Variants in PRLR observed in about 807,000 individuals in gnomAD.
The protein encoded by PRLR is prolactin receptor, also known as hPRL receptor.
PRLR carries 13 observed loss-of-function variants against 40.2 expected under a neutral mutation model. The observed-to-expected ratio is 0.32, with a 90% CI of 0.21 to 0.51. The LOEUF (loss-of-function observed/expected upper bound fraction) is 0.51. Among genes scored for constraint, PRLR ranks in the 20% least tolerant of loss-of-function variants. PRLR has a pLI of 0.97. For synonymous variants in PRLR, 269 were observed against 278.7 expected (o/e 0.97, Z 0.35); for missense variants, 656 against 747.3 (o/e 0.88, Z 1.42).
At chr5:35,179,974 C>A (rs767208842) in intron 1 of PRLR, among the ~76,000 whole-genome samples, 1 of 152,094 alleles carries the variant, frequency 6.6e-6, no homozygotes, top group Non-Finnish European at 1.5e-5. Flanking sequence ...ATACAACTCA[C>A]CATAATGTAA....
intron 1 of PRLR, among the ~76,000 whole-genome samples, chr5:35,202,213 G>C (rs1775901145): frequency 6.6e-6 from 1 of 152,176 alleles, no homozygotes. Context: ...ATCAAATTCA[G>C]TGTGGTGTCC....
chr5:35,229,222 C>T (rs1776630895), intron 1 of PRLR, among the ~76,000 whole-genome samples: 1 of 151,592 alleles, frequency 6.6e-6, no homozygotes, highest in Admixed American at 6.6e-5. Context: ...GTTTGCACAG[C>T]TGATGGTCAG....
intron 5 of PRLR, among the ~76,000 whole-genome samples, chr5:35,080,487 A>C (rs1261953127): frequency 6.6e-6 from 1 of 152,230 alleles, no homozygotes; most frequent in African/African-American, 2.4e-5. Flanking sequence ...CAAAACCACA[A>C]TGAGATATCA....
chr5:35,069,936 C>T (rs1004504591), intron 7 of PRLR, among the ~76,000 whole-genome samples, 188 bp downstream of exon 7: 3 of 152,230 alleles, frequency 2.0e-5, no homozygotes, highest in Non-Finnish European at 4.4e-5. Flanking sequence ...AATTGTTCTC[C>T]ATTGACAGTA....
chr5:35,075,571 C>A (rs535120281), intron 5 of PRLR, among the ~76,000 whole-genome samples: 1 of 152,190 alleles, frequency 6.6e-6, no homozygotes, highest in Admixed American at 6.5e-5. Flanking sequence ...CACCCCAGCT[C>A]AAGGAGGCCG....
intron 6 of PRLR, among the ~76,000 whole-genome samples, chr5:35,070,588 A>T (rs1769683347): frequency 6.6e-6 from 1 of 152,048 alleles, no homozygotes; most frequent in Non-Finnish European, 1.5e-5. Flanking sequence ...TCATGCCTGT[A>T]ATCCCAGCAC....
intron 1 of PRLR, among the ~76,000 whole-genome samples, chr5:35,171,128 A>C (rs1434345103): frequency 1.3e-5 from 2 of 151,752 alleles, no homozygotes; most frequent in Admixed American, 1.3e-4. Context: ...ATGAACACTA[A>C]TTCTTTCACT....
At chr5:35,070,305 T>G in intron 6 of PRLR, 40 bp from the exon 7 acceptor site, 1 of 1,606,272 alleles carries the variant, frequency 6.2e-7, no homozygotes, top group South Asian at 1.1e-5. Context: ...ATTCTAACAT[T>G]TGTTGTGAAG....
chr5:35,055,953 C>A lies in PRLR; in HGVS notation c.*9136G>T, dbSNP rs546989872. 1.3e-5 allele frequency: 2 copies of A among 152,200 alleles called. No homozygotes were observed. The highest frequency in any genetic ancestry group is 4.8e-5 in the African/African-American group (2 of 41,446). The allele number at this position is 152,200 out of a possible 1,614,324, so 9.4% of individuals were successfully genotyped here. ...AGTGGCATTTACAAATTCCTTCAAA[C>A]TCATTTACAAATACAGTAATAAAAA... On this transcript the variant is annotated 3_prime_UTR_variant, in exon 10 of 10. Transcript: ENST00000618457.
intron 1 of PRLR, among the ~76,000 whole-genome samples, chr5:35,120,047 C>T (rs887205153): frequency 6.6e-6 from 1 of 152,164 alleles, no homozygotes; most frequent in Non-Finnish European, 1.5e-5. Flanking sequence ...GCTCCCACGT[C>T]TATTCTTTAC....
intron 1 of PRLR, among the ~76,000 whole-genome samples, chr5:35,173,232 T>A (rs1419201630): frequency 6.6e-6 from 1 of 152,220 alleles, no homozygotes; most frequent in Admixed American, 6.5e-5. Context: ...CCCACATACA[T>A]GTTGGCTGAT....
intron 2 of PRLR, among the ~76,000 whole-genome samples, chr5:35,090,682 G>T (rs2112477533): frequency 6.6e-6 from 1 of 150,628 alleles, no homozygotes; most frequent in African/African-American, 2.4e-5. Context: ...TGTGTTTGAT[G>T]AGCCCCTGAA....
chr5:35,139,010 A>C (rs1773936342), intron 1 of PRLR, among the ~76,000 whole-genome samples: 1 of 152,192 alleles, frequency 6.6e-6, no homozygotes, highest in Admixed American at 6.5e-5. Flanking sequence ...TAAGGAAAGA[A>C]AAAAATACAT....
chr5:35,049,653 A>G (rs951948466), intron 8 of PRLR, among the ~76,000 whole-genome samples: 1 of 152,210 alleles, frequency 6.6e-6, no homozygotes, highest in Admixed American at 6.5e-5. Flanking sequence ...CTATCTGTGT[A>G]TACACATGCT....
At chr5:35,081,283 C>T (rs1165639224) in intron 5 of PRLR, 7 of 163,844 alleles carry the variant, frequency 4.3e-5, no homozygotes, top group African/African-American at 1.7e-4. Flanking sequence ...CTCTGGGAAA[C>T]TGTGGTGCAA....
chr5:35,102,595 T>TGCAGTGGCCCAATCTTGGCTCACTGCG (rs1342988414), intron 2 of PRLR, among the ~76,000 whole-genome samples: 2 of 148,980 alleles, frequency 1.3e-5, no homozygotes, highest in African/African-American at 2.5e-5. Context: ...CAGGCTGGAG[T>TGCAGTGGCCCAATCTTGGCTCACTGCG]GCAGTGGCCC....
At chr5:35,118,463 A>G (rs947234601) in intron 1 of PRLR, among the ~76,000 whole-genome samples, 9 of 152,290 alleles carry the variant, frequency 5.9e-5, no homozygotes, top group Admixed American at 2.0e-4. Context: ...GTCATGATGC[A>G]TGTTTACCCC....
intron 1 of PRLR, among the ~76,000 whole-genome samples, chr5:35,193,982 C>T (rs1007048667): frequency 1.3e-5 from 2 of 152,122 alleles, no homozygotes; most frequent in Non-Finnish European, 1.5e-5. Flanking sequence ...GTTCTGTCCA[C>T]GGAGCATCTC....
intron 1 of PRLR, among the ~76,000 whole-genome samples, chr5:35,126,085 G>A (rs1773452457): frequency 6.6e-6 from 1 of 152,154 alleles, no homozygotes; most frequent in East Asian, 1.9e-4. Flanking sequence ...GATAAACTGT[G>A]CTTCTGTTTA....
Sources: gnomAD v4.1 joint callset for allele counts (sites outside exome capture counted in the v4.1 genomes callset) on GRCh38, gnomAD v4.1.1 for gene constraint, MANE v1.5 for transcripts, NCBI Gene and HGNC (gene_info 2026-07-23, HGNC 2026-07-21) for gene names.